APBB2: variants seen among roughly 807,000 people sequenced by gnomAD.
APBB2 encodes Fe65-like 1.
In APBB2, 38 loss-of-function variants were observed where a neutral mutation model predicts 82.5. That is an observed-to-expected ratio of 0.46 (90% CI 0.36 to 0.60). APBB2 has a LOEUF of 0.60. Ranked by LOEUF, APBB2 falls within the 20% of genes least tolerant of loss-of-function variation. APBB2 has a pLI of 0.00. For missense variants in APBB2, 772 were observed against 972.3 expected, an observed-to-expected ratio of 0.79 and a Z score of 2.74; for synonymous variants, 341 against 368.2, an observed-to-expected ratio of 0.93 and a Z score of 0.85.
intron 5 of APBB2, among the ~76,000 whole-genome samples, chr4:41,026,188 G>A (rs1385731373): frequency 6.6e-6 from 1 of 152,100 alleles, no homozygotes; most frequent in Non-Finnish European, 1.5e-5. Context: ...CTGGAGTGTG[G>A]AGGATGGGAG....
chr4:40,820,283 G>A (rs921352979), intron 17 of APBB2, among the ~76,000 whole-genome samples: 7 of 152,222 alleles, frequency 4.6e-5, no homozygotes, highest in Non-Finnish European at 1.0e-4. Context: ...GAAGGTAACT[G>A]GGCTCCTGGC....
intron 6 of APBB2, among the ~76,000 whole-genome samples, chr4:40,972,379 G>C (rs1024442489): frequency 1.3e-5 from 2 of 150,876 alleles, no homozygotes; most frequent in Non-Finnish European, 2.9e-5. Context: ...AGTGAGCCGA[G>C]ATGGCGCCAC....
At chr4:40,819,951 A>G (rs1454327994) in intron 17 of APBB2, among the ~76,000 whole-genome samples, 1 of 152,168 alleles carries the variant, frequency 6.6e-6, no homozygotes, top group Non-Finnish European at 1.5e-5. Context: ...AGCTGGGACT[A>G]CAGGCATGTG....
At chr4:40,822,142 G>A (rs1748204551) in intron 16 of APBB2, 92 bp from the exon 17 acceptor site, 1 of 1,452,460 alleles carries the variant, frequency 6.9e-7, no homozygotes, top group Admixed American at 1.9e-5. Flanking sequence ...AGAAAGTATA[G>A]CCAGGCCGAA....
chr4:40,839,989 T>C (rs549227462), intron 12 of APBB2, among the ~76,000 whole-genome samples: 1 of 152,180 alleles, frequency 6.6e-6, no homozygotes, highest in African/African-American at 2.4e-5. Context: ...TTTTAATAAA[T>C]ATTTGCACTC....
At chr4:41,112,212 T>G (rs1052489361) in intron 2 of APBB2, among the ~76,000 whole-genome samples, 1 of 152,156 alleles carries the variant, frequency 6.6e-6, no homozygotes, top group Non-Finnish European at 1.5e-5. Flanking sequence ...AGGGCACATA[T>G]TTGCAAGAAA....
Position 40,813,138 on chromosome 4 carries a change from A to C in APBB2, c.*2954T>G, listed in dbSNP as rs1415983052. On this transcript the variant is annotated 3_prime_UTR_variant, in exon 18 of 18. Transcript: ENST00000508593. The stretch of plus-strand genomic sequence containing the variant: ...TTAAGCATTTTGCCTTTTCTTCTAC[A>C]TATCCCAATAGAAATGTGACTACAA... 1.3e-5 allele frequency: 2 copies of C among 152,202 alleles called. No homozygotes were observed. The highest frequency in any genetic ancestry group is 2.9e-5 in the Non-Finnish European group (2 of 68,044). The allele number at this position is 152,202 out of a possible 1,614,324, so 9.4% of individuals were successfully genotyped here. A position where few individuals can be genotyped will look rare whatever the true frequency, so the allele number is the denominator to read the frequency against.
At chr4:41,143,789 T>C (rs1759906832) in intron 1 of APBB2, among the ~76,000 whole-genome samples, 1 of 152,240 alleles carries the variant, frequency 6.6e-6, no homozygotes, top group Admixed American at 6.5e-5. Context: ...TTTCATTTCC[T>C]AATAGAGGAA....
intron 10 of APBB2, among the ~76,000 whole-genome samples, chr4:40,920,331 G>C (rs1265387640): frequency 2.0e-5 from 3 of 152,202 alleles, no homozygotes; most frequent in African/African-American, 7.2e-5. Context: ...GGAACAGTGA[G>C]TCCATTAAAC....
chr4:41,123,835 AAAAACAAAAC>A (rs548731717), intron 2 of APBB2, among the ~76,000 whole-genome samples: 135 of 152,232 alleles, frequency 8.9e-4, no homozygotes, highest in African/African-American at 3.2e-3. Context: ...AAAAAAACCA[AAAAACAAAAC>A]AAAACAAAAA....
At chr4:41,107,100 A>G (rs777356022) in intron 2 of APBB2, among the ~76,000 whole-genome samples, 7 of 152,158 alleles carry the variant, frequency 4.6e-5, no homozygotes, top group Non-Finnish European at 7.4e-5. Context: ...ACTTGAAGCC[A>G]GGTGTTTGAG....
At chr4:40,930,442 TGTGTGTGCGCGCGCGCGCGCGCGC>T (rs1340669634) in intron 10 of APBB2, among the ~76,000 whole-genome samples, 1 of 73,786 alleles carries the variant, frequency 1.4e-5, no homozygotes, top group African/African-American at 4.8e-5. Flanking sequence ...TGTGTGTGTG[TGTGTGTGCGCGCGCGCGCGCGCGC>T]GTGCGCGTGC....
At chr4:40,828,640 C>T (rs985158153) in intron 13 of APBB2, among the ~76,000 whole-genome samples, 1 of 152,134 alleles carries the variant, frequency 6.6e-6, no homozygotes, top group African/African-American at 2.4e-5. Context: ...GTGCCTGGCA[C>T]ATAAATGGCA....
At chr4:41,149,813 G>C (rs973629044) in intron 1 of APBB2, among the ~76,000 whole-genome samples, 6 of 152,106 alleles carry the variant, frequency 3.9e-5, no homozygotes. Flanking sequence ...TCTCATGATA[G>C]TGAGTAAGTC....
intron 12 of APBB2, among the ~76,000 whole-genome samples, chr4:40,849,825 T>C (rs1056952671): frequency 2.0e-5 from 3 of 148,734 alleles, no homozygotes. Flanking sequence ...CCTCCCAGGA[T>C]CAAGCAATTC....
At chr4:41,076,203 C>A (rs1735580432) in intron 3 of APBB2, among the ~76,000 whole-genome samples, 1 of 152,170 alleles carries the variant, frequency 6.6e-6, no homozygotes. Context: ...AGTAACAAAC[C>A]AGTATGCGGC....
At chr4:41,178,471 T>C (rs1362347818) in intron 1 of APBB2, among the ~76,000 whole-genome samples, 2 of 152,144 alleles carry the variant, frequency 1.3e-5, no homozygotes, top group Non-Finnish European at 2.9e-5. Context: ...GACTGATAAA[T>C]ATCTTTCTCA....
intron 6 of APBB2, among the ~76,000 whole-genome samples, chr4:40,950,159 C>T (rs763232657): frequency 3.3e-4 from 50 of 152,214 alleles, no homozygotes; most frequent in Non-Finnish European, 4.3e-4. Flanking sequence ...CCTGTCAGCT[C>T]GGCAAAAATT....
At chr4:41,190,241 ATTTTTT>A (rs1160837303) in intron 1 of APBB2, among the ~76,000 whole-genome samples, 41 of 71,806 alleles carry the variant, frequency 5.7e-4, no homozygotes, top group African/African-American at 2.2e-3. Flanking sequence ...TACATAGGCT[ATTTTTT>A]TTTTTTTTTT....
Sources: gnomAD v4.1 joint callset for allele counts (sites outside exome capture counted in the v4.1 genomes callset) on GRCh38, gnomAD v4.1.1 for gene constraint, MANE v1.5 for transcripts, NCBI Gene and HGNC (gene_info 2026-07-23, HGNC 2026-07-21) for gene names.